The following PTPRT variants were observed in gnomAD, a reference collection of about 807,000 sequenced individuals.
The protein encoded by PTPRT is receptor-type tyrosine-protein phosphatase T.
A neutral mutation model predicts 176.8 loss-of-function variants in PTPRT; 56 were observed. That is an observed-to-expected ratio of 0.32 (90% CI 0.26 to 0.40). The LOEUF is 0.40. Among genes scored for constraint, PTPRT ranks in the 10% least tolerant of loss-of-function variants. PTPRT has a pLI of 1.00. For missense variants in PTPRT, 1,540 were observed against 1,908.2 expected, an observed-to-expected ratio of 0.81 and a Z score of 3.60; for synonymous variants, 783 against 739.0, an observed-to-expected ratio of 1.06 and a Z score of -0.96.
chr20:43,083,649 G>A (rs982650393), intron 1 of PTPRT, among the ~76,000 whole-genome samples: 4 of 151,738 alleles, frequency 2.6e-5, no homozygotes, highest in African/African-American at 4.8e-5. Context: ...ATGAGCCACC[G>A]CACCCAGCCT....
chr20:42,660,533 G>A (rs1206618895), intron 7 of PTPRT, among the ~76,000 whole-genome samples: 1 of 152,156 alleles, frequency 6.6e-6, no homozygotes, highest in Non-Finnish European at 1.5e-5. Flanking sequence ...AAGCCAACTT[G>A]GTAACAGTTG....
intron 9 of PTPRT, among the ~76,000 whole-genome samples, chr20:42,411,503 G>A (rs1440293802): frequency 1.0e-5 from 1 of 98,522 alleles, no homozygotes; most frequent in Admixed American, 1.5e-4. Flanking sequence ...GCCAACAAGA[G>A]CTAAACCCTG....
rs146516613 is a variant in PTPRT at position 42,514,935 on chromosome 20, T to G, written c.1154-42373A>C. 4.6e-3 allele frequency among the ~76,000 whole-genome samples: 699 copies of G among 152,322 alleles called. 4 individuals are homozygous for G. Among genetic ancestry groups the G allele is most frequent in the African/African-American group, 0.016 (667 of 41,568 alleles). ...TTCACATTCTCTTAATTTCTGTAAC[T>G]TATAGTATGACCTCATTACCGGGAG... is the stretch of plus-strand genomic sequence containing the variant. On this transcript the variant is annotated intron_variant, in intron 7 of 30. Transcript: ENST00000373187.
At chr20:43,107,932 C>T (rs748592314) in intron 1 of PTPRT, among the ~76,000 whole-genome samples, 3 of 151,836 alleles carry the variant, frequency 2.0e-5, no homozygotes, top group South Asian at 2.1e-4. Flanking sequence ...TGTAGGGAAT[C>T]ATTCCCAAAG....
intron 7 of PTPRT, among the ~76,000 whole-genome samples, chr20:42,565,875 C>G (rs181640063): frequency 5.3e-4 from 81 of 152,120 alleles, no homozygotes; most frequent in African/African-American, 1.4e-3. Context: ...CTTGCCCTTC[C>G]TCCCTGCTTT....
intron 9 of PTPRT, among the ~76,000 whole-genome samples, chr20:42,369,820 T>G (rs1330983410): frequency 2.0e-5 from 3 of 152,238 alleles, no homozygotes; most frequent in African/African-American, 4.8e-5. Context: ...AAATCATTTT[T>G]CATCCCCTGC....
intron 17 of PTPRT, among the ~76,000 whole-genome samples, chr20:42,151,395 G>A (rs1989125819): frequency 6.6e-6 from 1 of 152,146 alleles, no homozygotes; most frequent in Non-Finnish European, 1.5e-5. Flanking sequence ...AGAACATGTG[G>A]TGTTTGCTTT....
At chr20:42,489,025 TG>T (rs2071513657) in intron 7 of PTPRT, among the ~76,000 whole-genome samples, 1 of 118,802 alleles carries the variant, frequency 8.4e-6, no homozygotes, top group Non-Finnish European at 1.5e-5. Flanking sequence ...TGTGTGTGTG[TG>T]TGTGTGTGTG....
intron 15 of PTPRT, among the ~76,000 whole-genome samples, chr20:42,223,995 T>C (rs2055946349): frequency 6.6e-6 from 1 of 152,216 alleles, no homozygotes; most frequent in African/African-American, 2.4e-5. Context: ...CACACTAATC[T>C]TTCCATTCTT....
chr20:42,433,302 A>G (rs994365609), intron 9 of PTPRT, among the ~76,000 whole-genome samples: 20 of 152,172 alleles, frequency 1.3e-4, no homozygotes, highest in African/African-American at 4.8e-4. Context: ...AAAAAAAAAG[A>G]AATCCAGAAA....
the PTPRT span, among the ~76,000 whole-genome samples, chr20:42,058,399 A>C: frequency 6.6e-6 from 1 of 152,176 alleles, no homozygotes; most frequent in Non-Finnish European, 1.5e-5. Context: ...GCAAAGAGGC[A>C]CTAACTGGAG....
chr20:42,274,817 C>G (rs1330771390), intron 13 of PTPRT, among the ~76,000 whole-genome samples: 2 of 152,098 alleles, frequency 1.3e-5, no homozygotes, highest in African/African-American at 2.4e-5. Flanking sequence ...ACCTTCTGCT[C>G]CAGGACTTAG....
At chr20:42,305,627 A>ATGTGTGTGTGTG (rs368441652) in intron 12 of PTPRT, among the ~76,000 whole-genome samples, 1 of 151,474 alleles carries the variant, frequency 6.6e-6, no homozygotes, top group African/African-American at 2.4e-5. Context: ...GTGTGCGTGT[A>ATGTGTGTGTGTG]TGTGTGTGTG....
intron 7 of PTPRT, among the ~76,000 whole-genome samples, chr20:42,591,975 C>CTTTTTTTT (rs71335866): frequency 1.6e-4 from 16 of 102,384 alleles, no homozygotes; most frequent in Non-Finnish European, 2.3e-4. Flanking sequence ...GCTGGAGATT[C>CTTTTTTTT]TTTTTTTTTT....
At chr20:43,000,908 C>A (rs568687035) in intron 1 of PTPRT, among the ~76,000 whole-genome samples, 1 of 152,214 alleles carries the variant, frequency 6.6e-6, no homozygotes, top group East Asian at 1.9e-4. Context: ...GAGAAACATC[C>A]TAGTGAAATC....
chr20:42,039,184 TA>T, the PTPRT span, among the ~76,000 whole-genome samples: 1 of 152,188 alleles, frequency 6.6e-6, no homozygotes, highest in African/African-American at 2.4e-5. Context: ...TGTCCCCATT[TA>T]AAAAATTAAT....
intron 1 of PTPRT, among the ~76,000 whole-genome samples, chr20:43,092,150 G>A (rs2011904171): frequency 1.3e-5 from 2 of 152,204 alleles, no homozygotes; most frequent in Admixed American, 6.5e-5. Flanking sequence ...GGCAAACTGG[G>A]AAGAGTGGAA....
chr20:42,980,582 C>G (rs1983217602), intron 1 of PTPRT, among the ~76,000 whole-genome samples: 1 of 152,182 alleles, frequency 6.6e-6, no homozygotes, highest in Admixed American at 6.5e-5. Flanking sequence ...TGACAGACTT[C>G]CCCCCACCCT....
At chr20:42,830,254 A>G (rs2078061775) in intron 2 of PTPRT, among the ~76,000 whole-genome samples, 1 of 152,260 alleles carries the variant, frequency 6.6e-6, no homozygotes, top group African/African-American at 2.4e-5. Context: ...ACCATGATCA[A>G]GTTGGCTTCA....
Sources: allele counts gnomAD v4.1 joint callset (sites outside exome capture counted in the v4.1 genomes callset), GRCh38; gene constraint gnomAD v4.1.1; transcripts MANE v1.5; gene names NCBI Gene and HGNC (gene_info 2026-07-23, HGNC 2026-07-21).